Variants in DLG2 observed in about 807,000 individuals in gnomAD.
DLG2 encodes disks large homolog 2.
Under a neutral mutation model 132.5 loss-of-function variants are expected in DLG2, and 45 were observed. The observed-to-expected ratio is 0.34, with a 90% CI of 0.27 to 0.44. The LOEUF is 0.44. Ranked by LOEUF, DLG2 falls within the 20% of genes least tolerant of loss-of-function variation. DLG2 has a pLI of 1.00. For synonymous variants in DLG2, 424 were observed against 419.6 expected, an observed-to-expected ratio of 1.01 and a Z score of -0.13; for missense variants, 1,045 against 1,196.9, an observed-to-expected ratio of 0.87 and a Z score of 1.87.
intron 3 of DLG2, among the ~76,000 whole-genome samples, chr11:85,508,873 T>C (rs1019630212): frequency 6.6e-6 from 1 of 152,030 alleles, no homozygotes; most frequent in African/African-American, 2.4e-5. Flanking sequence ...TTTATTAACT[T>C]GTTATCTAAT....
chr11:84,767,095 T>G (rs765513581), intron 6 of DLG2, among the ~76,000 whole-genome samples: 6 of 152,030 alleles, frequency 3.9e-5, no homozygotes, highest in Non-Finnish European at 7.4e-5. Flanking sequence ...AAAAGAGGGG[T>G]AATAGTACCC....
At chr11:85,088,913 C>T (rs2068339400) in intron 6 of DLG2, among the ~76,000 whole-genome samples, 1 of 152,074 alleles carries the variant, frequency 6.6e-6, no homozygotes, top group Non-Finnish European at 1.5e-5. Flanking sequence ...AACATTAAAC[C>T]AATCAGTTAT....
intron 6 of DLG2, among the ~76,000 whole-genome samples, chr11:84,906,805 CAT>C (rs2091568920): frequency 6.6e-6 from 1 of 152,118 alleles, no homozygotes; most frequent in African/African-American, 2.4e-5. Context: ...GACATAGCTG[CAT>C]AGAAAGAGAG....
intron 11 of DLG2, among the ~76,000 whole-genome samples, chr11:84,042,577 G>A (rs890916056): frequency 3.3e-5 from 5 of 151,712 alleles, no homozygotes; most frequent in Admixed American, 2.6e-4. Context: ...GCATTTGAAA[G>A]TTACCTTTAT....
At chr11:84,877,223 C>T (rs2086496161) in intron 6 of DLG2, among the ~76,000 whole-genome samples, 1 of 151,990 alleles carries the variant, frequency 6.6e-6, no homozygotes, top group Admixed American at 6.6e-5. Flanking sequence ...GAGCTGAGTT[C>T]AAGTCCTGAA....
chr11:84,664,736 C>T lies in DLG2; in HGVS notation c.358-130005G>A, dbSNP rs142754996. Among the ~76,000 whole-genome samples, 6 of 152,198 alleles carry T rather than the reference C, an allele frequency of 3.9e-5. No individual in the cohort carries two copies. In the East Asian group the frequency reaches 9.7e-4, roughly 24 times the overall value. On this transcript the variant is annotated intron_variant, in intron 6 of 27. Coordinates refer to ENST00000376104, the MANE Select transcript of DLG2 (RefSeq NM_001142699.3). ...ATGCTCTGGCTGTGTGTTCCCCTAGCCAGCTTTATTTTCTATCATACTTCT... is the reference window on the plus strand; with the variant it reads ...ATGCTCTGGCTGTGTGTTCCCCTAGTCAGCTTTATTTTCTATCATACTTCT...
intron 16 of DLG2, among the ~76,000 whole-genome samples, chr11:83,836,993 G>A (rs540708222): frequency 5.3e-5 from 8 of 152,196 alleles, no homozygotes; most frequent in South Asian, 4.2e-4. Context: ...TCAGCTCCGC[G>A]CTTGGATCCA....
intron 5 of DLG2, among the ~76,000 whole-genome samples, chr11:85,152,263 T>C (rs2077305353): frequency 1.3e-5 from 2 of 150,632 alleles, no homozygotes; most frequent in Non-Finnish European, 3.0e-5. Flanking sequence ...TTTTTTGAGA[T>C]GGAGTCTTTC....
chr11:85,180,683 T>C (rs1247176845), intron 4 of DLG2, among the ~76,000 whole-genome samples: 7 of 151,822 alleles, frequency 4.6e-5, no homozygotes, highest in Admixed American at 2.0e-4. Flanking sequence ...AAATAGAACA[T>C]AGAGCCCAGG....
intron 19 of DLG2, among the ~76,000 whole-genome samples, chr11:83,568,640 A>T (rs543594557): frequency 6.6e-6 from 1 of 152,174 alleles, no homozygotes; most frequent in South Asian, 2.1e-4. Flanking sequence ...GGGCAGACAC[A>T]TGAAGACAAC....
At chr11:84,844,923 C>T (rs1943711) in intron 6 of DLG2, among the ~76,000 whole-genome samples, 108,252 of 152,002 alleles carry the variant, frequency 0.71, 39,571 homozygotes, top group Middle Eastern at 0.9. Flanking sequence ...GATTGATATG[C>T]AAATGATAAG....
chr11:84,858,547 T>A (rs555167499), intron 6 of DLG2, among the ~76,000 whole-genome samples: 1 of 152,194 alleles, frequency 6.6e-6, no homozygotes, highest in South Asian at 2.1e-4. Flanking sequence ...TTGTCTCATA[T>A]CTTATTTCTA....
chr11:84,081,772 T>G (rs2096907717), intron 10 of DLG2, among the ~76,000 whole-genome samples: 2 of 152,252 alleles, frequency 1.3e-5, no homozygotes, highest in African/African-American at 4.8e-5. Flanking sequence ...AGTGCCGCAA[T>G]AAACATACGT....
intron 6 of DLG2, among the ~76,000 whole-genome samples, chr11:84,990,287 T>C (rs1364864841): frequency 6.6e-6 from 1 of 152,224 alleles, no homozygotes; most frequent in East Asian, 1.9e-4. Flanking sequence ...CCCTCTTAAA[T>C]TCATTTTGAA....
chr11:83,482,322 T>C (rs984303041), intron 22 of DLG2, among the ~76,000 whole-genome samples: 1 of 152,062 alleles, frequency 6.6e-6, no homozygotes, highest in African/African-American at 2.4e-5. Context: ...CCCATAGCTG[T>C]TAATTTAAAA....
At chr11:84,349,569 A>G (rs1233856875) in intron 7 of DLG2, among the ~76,000 whole-genome samples, 4 of 152,208 alleles carry the variant, frequency 2.6e-5, no homozygotes, top group Admixed American at 6.5e-5. Flanking sequence ...TGAAACTTCT[A>G]TGCTTTGCAC....
intron 3 of DLG2, among the ~76,000 whole-genome samples, chr11:85,550,554 A>C (rs539053150): frequency 6.6e-6 from 1 of 152,320 alleles, no homozygotes; most frequent in East Asian, 1.9e-4. Flanking sequence ...GGATTCAAGC[A>C]CTCATGCACG....
intron 7 of DLG2, among the ~76,000 whole-genome samples, chr11:84,331,240 A>G (rs970076667): frequency 6.6e-6 from 1 of 152,154 alleles, no homozygotes; most frequent in Non-Finnish European, 1.5e-5. Context: ...CAAGAAACTT[A>G]CAGAATTAGA....
chr11:83,498,675 G>GAAAA (rs149518875), intron 21 of DLG2, among the ~76,000 whole-genome samples: 1 of 132,986 alleles, frequency 7.5e-6, no homozygotes, highest in African/African-American at 2.7e-5. Context: ...AAAGCAAGGA[G>GAAAA]AAAAAAAAAA....
Sources: allele counts gnomAD v4.1 joint callset (sites outside exome capture counted in the v4.1 genomes callset), GRCh38; gene constraint gnomAD v4.1.1; transcripts MANE v1.5; gene names NCBI Gene and HGNC (gene_info 2026-07-23, HGNC 2026-07-21).